TARS3: variants seen among roughly 807,000 people sequenced by gnomAD.
The protein encoded by TARS3 is threonine--tRNA ligase 2, cytoplasmic.
In TARS3, 94 loss-of-function variants were observed where a neutral mutation model predicts 103.5. The ratio of observed to expected loss-of-function variants is 0.91; its 90% confidence interval spans 0.77 to 1.08. TARS3 has a LOEUF of 1.08. Among genes scored for constraint, TARS3 ranks in the 50% least tolerant of loss-of-function variants. TARS3 has a pLI of 0.00. For synonymous variants in TARS3, 416 were observed against 355.4 expected, an observed-to-expected ratio of 1.17 and a Z score of -1.92; for missense variants, 952 against 995.2, an observed-to-expected ratio of 0.96 and a Z score of 0.58.
At chr15:101,674,929 C>G (rs1387812761) in intron 13 of TARS3, among the ~76,000 whole-genome samples, 1 of 152,160 alleles carries the variant, frequency 6.6e-6, no homozygotes, top group African/African-American at 2.4e-5. Context: ...TGGGCATCCA[C>G]TTGGGGTCTT....
At position 101,714,883 on chromosome 15, in the gene TARS3, G is replaced by T; in HGVS notation, c.647C>A (p.Ser216Tyr). ...WDLDRPLEGD[S>Y]SLELLTFDNE... ...ATCAAATGTAAGCAGCTCTAGAGAAGAGTCCCCTTCCAATGGGCGGTCCAG... is the reference window on the plus strand; with the variant it reads ...ATCAAATGTAAGCAGCTCTAGAGAATAGTCCCCTTCCAATGGGCGGTCCAG... The change falls in exon 4 of 19, where the codon TCT becomes TAT. Residue 216 changes from serine to tyrosine, a missense_variant. Transcript: ENST00000335968. 6.2e-7 allele frequency: 1 copy of T among 1,613,310 alleles called. No individual in the cohort carries two copies. The highest frequency in any genetic ancestry group is 8.5e-7 in the Non-Finnish European group (1 of 1,179,574).
chr15:101,674,761 C>T (rs568492667), intron 13 of TARS3, among the ~76,000 whole-genome samples: 10 of 150,428 alleles, frequency 6.6e-5, no homozygotes, highest in South Asian at 4.2e-4. Context: ...GCTGAGATCG[C>T]GCCACTGCAC....
At chr15:101,683,996 C>T in intron 12 of TARS3, 79 bp downstream of exon 12, 4 of 1,398,052 alleles carry the variant, frequency 2.9e-6, no homozygotes, top group Non-Finnish European at 3.9e-6. Context: ...GTTTCAGTAA[C>T]TCTGAAAGAA....
At chr15:101,655,913 A>T in intron 18 of TARS3, 1 of 1,289,266 alleles carries the variant, frequency 7.8e-7, no homozygotes, top group Non-Finnish European at 1.0e-6. Flanking sequence ...GCCAGCCAGA[A>T]CTTTCTGGAA....
At chr15:101,663,489 G>A (rs1030336656) in intron 15 of TARS3, among the ~76,000 whole-genome samples, 4 of 152,210 alleles carry the variant, frequency 2.6e-5, no homozygotes, top group African/African-American at 4.8e-5. Context: ...ATTGCCTAAC[G>A]ACACATTTCT....
chr15:101,675,607 G>A lies in TARS3; in HGVS notation c.1781C>T (p.Ala594Val). 3 of 1,613,214 alleles carry A rather than the reference G, an allele frequency of 1.9e-6. No homozygotes were observed. The highest frequency in any genetic ancestry group is 2.5e-6 in the Non-Finnish European group (3 of 1,179,750). Reference protein sequence around the residue: ...FLGEIEMWNEAEKQLQNSLMD... With the variant: ...FLGEIEMWNEVEKQLQNSLMD... The stretch of plus-strand genomic sequence containing the variant: ...ACAAGGTGTGTCTCTTACCTTCTCA[G>A]CCTCATTCCACATCTCAATCTCTCC... The change falls in exon 13 of 19, where the codon GCT (alanine) becomes GTT (valine). Residue 594 changes from alanine to valine, a missense_variant. Transcript: ENST00000335968.
chr15:101,675,476 A>C, intron 13 of TARS3, 124 bp downstream of exon 13: 3 of 839,488 alleles, frequency 3.6e-6, no homozygotes, highest in Non-Finnish European at 5.7e-6. Context: ...CTATATATCT[A>C]TCTCATAATT....
In TARS3 at chr15:101,654,666, A is replaced by C; in HGVS notation, c.2325T>G (p.His775Gln). The C allele has an allele frequency of 6.2e-7, 1 of 1,614,168 alleles. No homozygotes were observed. The highest frequency in any genetic ancestry group is 8.5e-7 in the Non-Finnish European group (1 of 1,179,986). ...VNVRTRDNKIHGEILVTSAID... is the reference protein window; with the variant it reads ...VNVRTRDNKIQGEILVTSAID... ...TGGCAGAAGTTACTAAAATCTCTCC[A>C]TGAATTTTGTTGTCTCTTGTTCGCA... The change falls in exon 19 of 19, where the codon CAT becomes CAG. Residue 775 changes from histidine (H) to glutamine (Q), a missense_variant. Around this residue, in one of 2 missense-constraint regions of TARS3, gnomAD observed 540 missense variants for 631.0 expected, o/e 0.86. Coordinates refer to ENST00000335968, the MANE Select transcript of TARS3 (RefSeq NM_152334.3).
intron 12 of TARS3, among the ~76,000 whole-genome samples, chr15:101,683,769 T>C (rs2141405705): frequency 6.6e-6 from 1 of 152,270 alleles, no homozygotes; most frequent in Non-Finnish European, 1.5e-5. Context: ...ACACAAAAAC[T>C]TGAAAAAGTA....
chr15:101,696,172 C>G (rs941075650), intron 10 of TARS3: 2 of 130,002 alleles, frequency 1.5e-5, no homozygotes, highest in African/African-American at 6.1e-5. Flanking sequence ...GATCGCGTCA[C>G]GGCACTCCAG....
rs74941725 is a variant in TARS3 at position 101,677,952 on chromosome 15, C to T, written c.1651-2215G>A. On this transcript the variant is annotated intron_variant, in intron 12 of 18. Coordinates refer to ENST00000335968, the MANE Select transcript of TARS3 (RefSeq NM_152334.3). ...TGGCCTTTCTCCAGCTTTTAATTGG[C>T]ATATCATGGGACTTCTTTTTTTTTG... 8.6e-5 allele frequency among the ~76,000 whole-genome samples: 13 copies of T among 151,368 alleles called. No individual in the cohort carries two copies. In the East Asian group the frequency reaches 2.5e-3, roughly 30 times the overall value.
chr15:101,723,421 C>T (rs1900591214), intron 1 of TARS3, among the ~76,000 whole-genome samples: 1 of 152,096 alleles, frequency 6.6e-6, no homozygotes, highest in Admixed American at 6.6e-5. Context: ...AATAATGTGG[C>T]TGGAAAATGT....
chr15:101,723,750 T>C (rs1251221105), intron 1 of TARS3, among the ~76,000 whole-genome samples: 1 of 152,220 alleles, frequency 6.6e-6, no homozygotes, highest in Non-Finnish European at 1.5e-5. Flanking sequence ...CAGCTGTTAG[T>C]CTTTCTGACC....
In TARS3 at chr15:101,702,292, A is replaced by C. The variant is rs200885122; in HGVS notation, c.1168T>G (p.Trp390Gly). 2.6e-5 allele frequency: 42 copies of C among 1,614,156 alleles called. No individual in the cohort carries two copies. The highest frequency in any genetic ancestry group is 9.3e-6 in the Non-Finnish European group (11 of 1,180,026). The change falls in exon 9 of 19, where the codon TGG (tryptophan) becomes GGG (glycine). Residue 390 changes from tryptophan to glycine, a missense_variant. By Grantham distance (184) the Trp-to-Gly change is radical. Around this residue, in one of 2 missense-constraint regions of TARS3, gnomAD observed 540 missense variants for 631.0 expected, o/e 0.86. Transcript: ENST00000335968. ...TTTGCTTCCTCTTGGAACTTTTCCC[A>C]GTCTCTCATCATCTTGTTATCAGGA... ...SFPDNKMMRD[W>G]EKFQEEAKNR...
chr15:101,677,403 C>A (rs984296071), intron 12 of TARS3, among the ~76,000 whole-genome samples: 1 of 152,102 alleles, frequency 6.6e-6, no homozygotes, highest in African/African-American at 2.4e-5. Context: ...TCAGGCCCAC[C>A]AACTCTGGGA....
At position 101,704,033 on chromosome 15, in the gene TARS3, A is replaced by G. The variant is rs748908284; in HGVS notation, c.996-96T>C. 520 of 842,226 alleles carry G rather than the reference A, an allele frequency of 6.2e-4. 1 individual carries two copies. The highest frequency in any genetic ancestry group is 8.5e-4 in the Non-Finnish European group (463 of 542,324). The allele number at this position is 842,226 out of a possible 1,614,324, so 52.2% of individuals were successfully genotyped here. A position where few individuals can be genotyped will look rare whatever the true frequency, so the allele number is the denominator to read the frequency against. ...TATCCTATGTTTTAGGTAGAGCTTC[A>G]CTTATTTATATGTAGCAATGCCATT... On this transcript the variant is annotated intron_variant, in intron 7 of 18. Coordinates refer to ENST00000335968, the MANE Select transcript of TARS3 (RefSeq NM_152334.3).
chr15:101,656,200 A>G (rs2141376806), intron 18 of TARS3, among the ~76,000 whole-genome samples: 1 of 152,334 alleles, frequency 6.6e-6, no homozygotes, highest in African/African-American at 2.4e-5. Flanking sequence ...CCTTCCAACA[A>G]ATGCTGTCTT....
chr15:101,722,544 C>T (rs1416093777), intron 2 of TARS3, among the ~76,000 whole-genome samples: 2 of 148,998 alleles, frequency 1.3e-5, no homozygotes, highest in African/African-American at 4.9e-5. Flanking sequence ...CGGTGGCTCA[C>T]GCCTGTAATC....
chr15:101,686,887 T>C (rs1270883430), intron 10 of TARS3, among the ~76,000 whole-genome samples: 1 of 151,604 alleles, frequency 6.6e-6, no homozygotes, highest in Middle Eastern at 3.2e-3. Context: ...CTGGCCCAAA[T>C]CTAGAATGCC....
Sources: gnomAD v4.1 joint callset for allele counts (sites outside exome capture counted in the v4.1 genomes callset) on GRCh38, gnomAD v4.1.1 for gene constraint, gnomAD v4.1.1 regional missense constraint, MANE v1.5 for transcripts, NCBI Gene and HGNC (gene_info 2026-07-23, HGNC 2026-07-21) for gene names.